Variants in GPC5 observed in about 807,000 individuals in gnomAD.
GPC5 encodes glypican 5, also known as glypican-5.
A neutral mutation model predicts 53.9 loss-of-function variants in GPC5; 47 were observed. The ratio of observed to expected loss-of-function variants is 0.87; its 90% CI spans 0.69 to 1.11. The LOEUF (loss-of-function observed/expected upper bound fraction) is 1.11. Ranked by LOEUF, GPC5 falls within the 50% of genes most tolerant of loss-of-function variation. GPC5 has a pLI of 0.00. For missense variants in GPC5, 748 were observed against 713.1 expected, an observed-to-expected ratio of 1.05 and a Z score of -0.56; for synonymous variants, 286 against 263.3, an observed-to-expected ratio of 1.09 and a Z score of -0.84.
chr13:92,213,181 A>G (rs925277392), intron 7 of GPC5, among the ~76,000 whole-genome samples: 2 of 152,200 alleles, frequency 1.3e-5, no homozygotes, highest in African/African-American at 4.8e-5. Context: ...AATAATAGAT[A>G]TGTCCTTTAG....
At chr13:91,836,040 A>C (rs961257219) in intron 5 of GPC5, among the ~76,000 whole-genome samples, 12 of 152,104 alleles carry the variant, frequency 7.9e-5, no homozygotes, top group African/African-American at 2.9e-4. Context: ...TTTAAAGATA[A>C]AAATAAATGC....
chr13:91,456,160 C>G (rs1279762718), intron 2 of GPC5, among the ~76,000 whole-genome samples: 1 of 152,120 alleles, frequency 6.6e-6, no homozygotes, highest in Non-Finnish European at 1.5e-5. Context: ...CACCGCAGGG[C>G]TCTGAGGATG....
At chr13:92,058,411 A>G (rs2041093721) in intron 6 of GPC5, among the ~76,000 whole-genome samples, 1 of 152,184 alleles carries the variant, frequency 6.6e-6, no homozygotes, top group African/African-American at 2.4e-5. Context: ...GAGAGTTTCC[A>G]TACAGCCCAT....
chr13:92,400,955 A>G (rs1231632424), intron 7 of GPC5, among the ~76,000 whole-genome samples: 1 of 152,044 alleles, frequency 6.6e-6, no homozygotes, highest in Non-Finnish European at 1.5e-5. Context: ...ACAGGGACAA[A>G]TCCTAGGTAT....
chr13:92,425,552 C>T (rs547479339), intron 7 of GPC5, among the ~76,000 whole-genome samples: 2 of 152,122 alleles, frequency 1.3e-5, no homozygotes, highest in South Asian at 4.1e-4. Flanking sequence ...TAAGGAGTGG[C>T]TGTCCAGTTT....
rs1010871097 is a variant in GPC5 at position 92,161,478 on chromosome 13, T to C, written c.1561+16489T>C. Among the ~76,000 whole-genome samples the C allele has an allele frequency of 3.9e-5, 6 of 152,256 alleles. No homozygotes were observed. In the East Asian group the frequency reaches 9.6e-4, roughly 24 times the overall value. ...AGATTTTCTAATGAATTGAAAATAT[T>C]GACATTAATTTTAGCCAAGAATATT... On this transcript the variant is annotated intron_variant, in intron 7 of 7. Coordinates refer to ENST00000377067, the MANE Select transcript of GPC5 (RefSeq NM_004466.6).
At chr13:91,647,695 C>T (rs60875456) in intron 2 of GPC5, among the ~76,000 whole-genome samples, 9,775 of 152,258 alleles carry the variant, frequency 0.064, 1,050 homozygotes, top group African/African-American at 0.22. Context: ...AGACTAGAAC[C>T]TTTCCTCTAA....
intron 2 of GPC5, among the ~76,000 whole-genome samples, chr13:91,504,660 G>A (rs997260626): frequency 1.3e-5 from 2 of 152,108 alleles, no homozygotes; most frequent in African/African-American, 4.8e-5. Context: ...ACACCGTGTG[G>A]TGTGAAAGAA....
At chr13:92,555,725 A>G (rs941124889) in intron 7 of GPC5, among the ~76,000 whole-genome samples, 10 of 149,830 alleles carry the variant, frequency 6.7e-5, no homozygotes, top group African/African-American at 1.9e-4. Context: ...TAAACAATAT[A>G]TGAATATATA....
intron 1 of GPC5, among the ~76,000 whole-genome samples, chr13:91,418,251 A>G (rs1032451531): frequency 6.6e-6 from 1 of 152,188 alleles, no homozygotes; most frequent in Non-Finnish European, 1.5e-5. Context: ...GCCATATTCT[A>G]GAAGTCAAGA....
intron 7 of GPC5, among the ~76,000 whole-genome samples, chr13:92,542,013 C>T (rs1881946064): frequency 6.6e-6 from 1 of 151,856 alleles, no homozygotes; most frequent in Admixed American, 6.6e-5. Flanking sequence ...TCTGTTTTAA[C>T]TACTTTTGTT....
At chr13:92,042,477 C>T (rs997763971) in intron 6 of GPC5, among the ~76,000 whole-genome samples, 1 of 151,644 alleles carries the variant, frequency 6.6e-6, no homozygotes, top group Non-Finnish European at 1.5e-5. Flanking sequence ...ACCTGGATCC[C>T]TAAGAGGTAA....
In GPC5 at chr13:91,590,189, G is replaced by A. The variant is rs574481076; in HGVS notation, c.326-102998G>A. 3.3e-5 allele frequency among the ~76,000 whole-genome samples: 5 copies of A among 151,226 alleles called. No individual in the cohort carries two copies. The East Asian group carries it at 9.7e-4, about 29-fold the overall frequency. On this transcript the variant is annotated intron_variant, in intron 2 of 7. Coordinates refer to ENST00000377067, the MANE Select transcript of GPC5 (RefSeq NM_004466.6). ...TATTGAGAGGAAAAATTCTTTATTTGATAACATGGATTATCAAATTACCCT... is the reference window on the plus strand; with the variant it reads ...TATTGAGAGGAAAAATTCTTTATTTAATAACATGGATTATCAAATTACCCT...
At chr13:92,028,107 G>A (rs1488037935) in intron 6 of GPC5, among the ~76,000 whole-genome samples, 1 of 152,180 alleles carries the variant, frequency 6.6e-6, no homozygotes, top group African/African-American at 2.4e-5. Flanking sequence ...AAGTAGAGAT[G>A]CTTAGCTGAC....
At chr13:92,807,938 T>C (rs12429979) in intron 7 of GPC5, among the ~76,000 whole-genome samples, 7,236 of 152,172 alleles carry the variant, frequency 0.048, 513 homozygotes, top group East Asian at 0.34. Flanking sequence ...GTGAAAGCAC[T>C]GGTCCATGTA....
At chr13:91,401,798 C>T (rs1876974073) in intron 1 of GPC5, among the ~76,000 whole-genome samples, 1 of 152,160 alleles carries the variant, frequency 6.6e-6, no homozygotes. Flanking sequence ...TCTCAGATTC[C>T]CCTCACCTTT....
At chr13:91,478,181 C>A (rs1177539369) in intron 2 of GPC5, among the ~76,000 whole-genome samples, 1 of 151,136 alleles carries the variant, frequency 6.6e-6, no homozygotes, top group East Asian at 2.0e-4. Context: ...AAAAGTTAAT[C>A]TTTTTACCAG....
intron 2 of GPC5, among the ~76,000 whole-genome samples, chr13:91,543,594 C>G (rs1398735154): frequency 6.8e-6 from 1 of 147,744 alleles, no homozygotes; most frequent in Non-Finnish European, 1.5e-5. Flanking sequence ...TATACTCTGT[C>G]TACTTAAGTA....
chr13:92,464,015 G>A (rs1283902268), intron 7 of GPC5, among the ~76,000 whole-genome samples: 1 of 152,186 alleles, frequency 6.6e-6, no homozygotes, highest in Non-Finnish European at 1.5e-5. Flanking sequence ...GTAGCACTAA[G>A]TGCTGTGTAT....
Sources: gnomAD v4.1 joint callset for allele counts (sites outside exome capture counted in the v4.1 genomes callset) on GRCh38, gnomAD v4.1.1 for gene constraint, MANE v1.5 for transcripts, NCBI Gene and HGNC (gene_info 2026-07-23, HGNC 2026-07-21) for gene names.